KLF13: variants seen among roughly 807,000 people sequenced by gnomAD.
KLF13 encodes the protein KLF transcription factor 13.
Under a neutral mutation model 16.7 loss-of-function variants are expected in KLF13, and 8 were observed. The ratio of observed to expected loss-of-function variants is 0.48; its 90% CI spans 0.28 to 0.87. The LOEUF is 0.87. Ranked by LOEUF, KLF13 falls within the 40% of genes least tolerant of loss-of-function variation. The pLI, the probability that KLF13 is intolerant of heterozygous loss-of-function variation, is 0.10. For synonymous variants in KLF13, 245 were observed against 208.4 expected, an observed-to-expected ratio of 1.18 and a Z score of -1.51; for missense variants, 447 against 452.2, an observed-to-expected ratio of 0.99 and a Z score of 0.10.
intron 1 of KLF13, among the ~76,000 whole-genome samples, chr15:31,410,625 A>ACACC (rs561338823): frequency 8.9e-5 from 12 of 134,732 alleles, no homozygotes; most frequent in African/African-American, 3.2e-4. Context: ...ACACACACAC[A>ACACC]CCCCTATAAC....
At chr15:31,429,891 G>A (rs1203206438) in intron 1 of KLF13, among the ~76,000 whole-genome samples, 4 of 152,010 alleles carry the variant, frequency 2.6e-5, no homozygotes, top group South Asian at 4.1e-4. Context: ...CCGCCACTAT[G>A]CCTGGTTAAT....
intron 1 of KLF13, among the ~76,000 whole-genome samples, chr15:31,346,346 A>G (rs1025417676): frequency 2.0e-5 from 3 of 152,162 alleles, no homozygotes; most frequent in Admixed American, 6.5e-5. Flanking sequence ...CCTGCATAGC[A>G]GCTGCTGTCC....
chr15:31,425,872 C>T (rs1016565662), intron 1 of KLF13, among the ~76,000 whole-genome samples: 8 of 152,084 alleles, frequency 5.3e-5, no homozygotes, highest in East Asian at 1.9e-4. Context: ...AGTGAAACTC[C>T]GTCTCAAAAA....
rs750579953 is a variant in KLF13 at position 31,338,308 on chromosome 15, G to A, written c.577+10519G>A. ...TGGACATTTATGTGAGTGTGTGCAC[G>A]TGTATGTGTATGTGTGTGTGTATAT... On this transcript the variant is annotated intron_variant, in intron 1 of 1. Transcript: ENST00000307145. Among the ~76,000 whole-genome samples the A allele has an allele frequency of 5.5e-4, 83 of 152,218 alleles. 1 individual carries two copies. The highest frequency in any genetic ancestry group is 9.6e-4 in the Non-Finnish European group (65 of 68,018).
At chr15:31,351,187 TAAG>T (rs1009224462) in intron 1 of KLF13, among the ~76,000 whole-genome samples, 10 of 152,354 alleles carry the variant, frequency 6.6e-5, no homozygotes, top group African/African-American at 2.2e-4. Flanking sequence ...GTTCCTGTTG[TAAG>T]AAGTTGCCTT....
At chr15:31,392,668 CTT>C (rs1430665962), upstream of KLF13, among the ~76,000 whole-genome samples, 1 of 152,208 alleles carries the variant, frequency 6.6e-6, no homozygotes, top group Non-Finnish European at 1.5e-5. Context: ...GAGCCAGTGA[CTT>C]GGGTGACGTT....
At chr15:31,410,832 G>A (rs551125633) in intron 1 of KLF13, among the ~76,000 whole-genome samples, 2 of 152,054 alleles carry the variant, frequency 1.3e-5, no homozygotes, top group South Asian at 4.2e-4. Context: ...GTAGATCTCC[G>A]GCCATACTGA....
intron 1 of KLF13, among the ~76,000 whole-genome samples, chr15:31,346,691 C>G (rs967456602): frequency 2.0e-5 from 3 of 152,250 alleles, no homozygotes; most frequent in African/African-American, 7.2e-5. Context: ...AAGGCATCAC[C>G]TTCAACTGGA....
At chr15:31,393,211 AC>A (rs1292119685) in exon 1 of KLF13, 5 of 151,046 alleles carry the variant, frequency 3.3e-5, no homozygotes, top group African/African-American at 1.2e-4. Context: ...GCCAGCCCCC[AC>A]CCTGCTGGGG....
chr15:31,336,329 G>A (rs1240862656), intron 1 of KLF13, among the ~76,000 whole-genome samples: 3 of 152,224 alleles, frequency 2.0e-5, no homozygotes, highest in East Asian at 1.9e-4. Context: ...GATGGCAGGA[G>A]CCTTGTGCTT....
chr15:31,392,787 C>T (rs1354403115), upstream of KLF13: 3 of 151,828 alleles, frequency 2.0e-5, no homozygotes, highest in African/African-American at 7.3e-5. Flanking sequence ...ATCTGGGGCC[C>T]CACACCCATT....
Position 31,327,566 on chromosome 15 carries a change from C to T in KLF13, c.354C>T (p.Pro118=), listed in dbSNP as rs867164587. The T allele has an allele frequency of 3.5e-6, 4 of 1,145,838 alleles. No homozygotes were observed. The highest frequency in any genetic ancestry group is 9.8e-5 in the Admixed American group (2 of 20,350). 71.0% of individuals were successfully genotyped at this position (1,145,838 alleles called of 1,614,324 possible). Residue 118 remains proline (P), a synonymous_variant, in exon 1 of 2, where the codon CCC becomes CCT. Transcript: ENST00000307145. ...CCGAAGGCGCGGCGGCCGCGCCCCCCAGCCCGGCGTGGAGCGAGCCGGAGC... is the reference window on the plus strand; with the variant it reads ...CCGAAGGCGCGGCGGCCGCGCCCCCTAGCCCGGCGTGGAGCGAGCCGGAGC... ...PGAEGAAAAP[P]SPAWSEPEPE...
chr15:31,434,176 C>A (rs563770636), intron 1 of KLF13, among the ~76,000 whole-genome samples: 181 of 152,310 alleles, frequency 1.2e-3, no homozygotes, highest in Non-Finnish European at 2.1e-3. Flanking sequence ...TCTCAGCAGA[C>A]AACTCTCAAT....
exon 3 of KLF13, chr15:31,404,252 G>A (rs541831589): frequency 1.3e-5 from 2 of 152,372 alleles, no homozygotes; most frequent in Non-Finnish European, 2.9e-5. Context: ...GTGCAGGAGT[G>A]AATGTATGTG....
At chr15:31,371,011 A>C (rs1299961081) in intron 1 of KLF13, among the ~76,000 whole-genome samples, 1 of 152,036 alleles carries the variant, frequency 6.6e-6, no homozygotes, top group Non-Finnish European at 1.5e-5. Context: ...AGTGACTGGC[A>C]GTCACTTTAG....
At chr15:31,354,062 G>A (rs1409732217) in intron 1 of KLF13, among the ~76,000 whole-genome samples, 2 of 152,254 alleles carry the variant, frequency 1.3e-5, no homozygotes, top group African/African-American at 2.4e-5. Flanking sequence ...TACAGCGTCA[G>A]TGTGGAGGCC....
intron 2 of KLF13, among the ~76,000 whole-genome samples, chr15:31,394,379 C>T (rs1227942060): frequency 5.3e-5 from 8 of 151,544 alleles, no homozygotes; most frequent in Admixed American, 3.3e-4. Flanking sequence ...CCCAGCTACT[C>T]GGGAGGCTGA....
At chr15:31,420,518 A>G in intron 1 of KLF13, 1 of 587,034 alleles carries the variant, frequency 1.7e-6, no homozygotes, top group South Asian at 1.5e-5. Flanking sequence ...CATCAGGACC[A>G]TTCTGGTCTC....
intron 1 of KLF13, among the ~76,000 whole-genome samples, chr15:31,385,156 G>T (rs564388369): frequency 2.6e-5 from 4 of 152,172 alleles, no homozygotes; most frequent in Non-Finnish European, 4.4e-5. Context: ...GGATCTGTCC[G>T]CACCTTGATA....
Sources: gnomAD v4.1 joint callset for allele counts (sites outside exome capture counted in the v4.1 genomes callset) on GRCh38, gnomAD v4.1.1 for gene constraint, MANE v1.5 for transcripts, NCBI Gene and HGNC (gene_info 2026-07-23, HGNC 2026-07-21) for gene names.